The following XYLT1 variants were observed in gnomAD, a reference collection of about 807,000 sequenced individuals.
XYLT1 encodes the protein xylosyltransferase 1, also known as beta-D-xylosyltransferase 1.
Under a neutral mutation model 91.3 loss-of-function variants are expected in XYLT1, and 36 were observed. That is an observed-to-expected ratio of 0.39 (90% CI 0.30 to 0.52). The LOEUF (loss-of-function observed/expected upper bound fraction) is 0.52. XYLT1 is among the 20% of genes least tolerant of loss of function. The pLI, the probability that XYLT1 is intolerant of heterozygous loss-of-function variation, is 0.68. For synonymous variants in XYLT1, 588 were observed against 532.0 expected (o/e 1.11, Z -1.45); for missense variants, 1,242 against 1,284.5 (o/e 0.97, Z 0.51).
intron 2 of XYLT1, among the ~76,000 whole-genome samples, chr16:17,301,340 G>A (rs1356387022): frequency 6.6e-6 from 1 of 152,076 alleles, no homozygotes; most frequent in Non-Finnish European, 1.5e-5. Context: ...AACTCAGGAG[G>A]CAGTGGTTGC....
chr16:17,400,945 GCT>G (rs908084931), intron 1 of XYLT1, among the ~76,000 whole-genome samples: 12 of 151,050 alleles, frequency 7.9e-5, no homozygotes, highest in African/African-American at 2.7e-4. Context: ...ACATAATCCA[GCT>G]CTCTCTCCTC....
chr16:17,331,530 G>A (rs1458711690), intron 2 of XYLT1, among the ~76,000 whole-genome samples: 1 of 152,176 alleles, frequency 6.6e-6, no homozygotes, highest in Non-Finnish European at 1.5e-5. Context: ...CACTCTTTCT[G>A]ATTTGGTTGC....
At chr16:17,273,738 G>A (rs2033930215) in intron 2 of XYLT1, among the ~76,000 whole-genome samples, 1 of 151,536 alleles carries the variant, frequency 6.6e-6, no homozygotes, top group African/African-American at 2.4e-5. Flanking sequence ...CACCTACTCG[G>A]GAGGCTGAGG....
At chr16:17,328,844 T>A (rs939971869) in intron 2 of XYLT1, among the ~76,000 whole-genome samples, 4 of 152,188 alleles carry the variant, frequency 2.6e-5, no homozygotes, top group Admixed American at 2.6e-4. Context: ...TGATAGAGTT[T>A]AGAAAAATTC....
intron 10 of XYLT1, among the ~76,000 whole-genome samples, chr16:17,123,857 G>A (rs2030162174): frequency 6.6e-6 from 1 of 152,158 alleles, no homozygotes; most frequent in African/African-American, 2.4e-5. Flanking sequence ...GTGTTTTCCT[G>A]TTGGACTAGT....
At chr16:17,131,067 C>G (rs1478697285) in intron 9 of XYLT1, among the ~76,000 whole-genome samples, 1 of 152,174 alleles carries the variant, frequency 6.6e-6, no homozygotes, top group African/African-American at 2.4e-5. Flanking sequence ...GCTTTGAGTT[C>G]ACAGGCCTGG....
intron 6 of XYLT1, among the ~76,000 whole-genome samples, chr16:17,141,842 T>C (rs2030985171): frequency 6.6e-6 from 1 of 152,216 alleles, no homozygotes; most frequent in East Asian, 1.9e-4. Context: ...CCACCAAAGT[T>C]CTGATATAAA....
chr16:17,266,207 G>A, intron 2 of XYLT1, among the ~76,000 whole-genome samples: 1 of 152,238 alleles, frequency 6.6e-6, no homozygotes, highest in African/African-American at 2.4e-5. Context: ...TTCTCCATTT[G>A]CTGGGGTTCT....
At chr16:17,127,613 T>G in intron 10 of XYLT1, 53 bp downstream of exon 10, 1 of 1,565,988 alleles carries the variant, frequency 6.4e-7, no homozygotes, top group Non-Finnish European at 8.7e-7. Flanking sequence ...GAGTAGAATC[T>G]GGCCGAGGGA....
Position 17,127,843 on chromosome 16 carries a change from G to T in XYLT1, c.2046C>A (p.His682Gln). Reference protein sequence around the residue: ...ENSCRYYPMGHPASVHLYFLA... With the variant: ...ENSCRYYPMGQPASVHLYFLA... ...GGAAGTAGAGGTGCACAGATGCTGGGTGGCCCATTGGGTAGTATCTGAAAA... is the reference window on the plus strand; with the variant it reads ...GGAAGTAGAGGTGCACAGATGCTGGTTGGCCCATTGGGTAGTATCTGAAAA... The change falls in exon 10 of 12, where the codon CAC becomes CAA. Residue 682 changes from histidine to glutamine, a missense_variant. This residue lies in a region of XYLT1 where 511 missense variants were observed against 497.0 expected (regional missense o/e 1.03). Coordinates refer to ENST00000261381, the MANE Select transcript of XYLT1 (RefSeq NM_022166.4). The T allele has an allele frequency of 6.2e-7, 1 of 1,613,940 alleles. No homozygotes were observed. The highest frequency in any genetic ancestry group is 8.5e-7 in the Non-Finnish European group (1 of 1,179,948).
At chr16:17,360,498 T>C (rs1178599210) in intron 1 of XYLT1, among the ~76,000 whole-genome samples, 1 of 152,204 alleles carries the variant, frequency 6.6e-6, no homozygotes, top group East Asian at 1.9e-4. Flanking sequence ...GCACAAATGC[T>C]ATCTATTTAG....
chr16:17,366,119 C>T (rs2035451840), intron 1 of XYLT1, among the ~76,000 whole-genome samples: 2 of 139,082 alleles, frequency 1.4e-5, no homozygotes, highest in South Asian at 4.4e-4. Context: ...CATTCATTGC[C>T]AATGTTTTAA....
At position 17,448,139 on chromosome 16, in the gene XYLT1, G is replaced by A. The variant is rs531562399; in HGVS notation, c.363+22295C>T. ...TCCCACCACTCTGGGAGGCCAAGGC[G>A]GGTGGATCACTTGAGGTCAGGAGTT... On this transcript the variant is annotated intron_variant, in intron 1 of 11. Coordinates refer to ENST00000261381, the MANE Select transcript of XYLT1 (RefSeq NM_022166.4). 1.0e-3 allele frequency among the ~76,000 whole-genome samples: 155 copies of A among 152,328 alleles called. 2 individuals are homozygous for A. Among genetic ancestry groups the A allele is most frequent in the African/African-American group, 3.5e-3 (145 of 41,576 alleles).
intron 3 of XYLT1, chr16:17,227,158 C>T (rs79921281): frequency 0.027 from 4,042 of 152,342 alleles, 71 homozygotes; most frequent in Admixed American, 0.039. Flanking sequence ...TAACCAACAA[C>T]GTCAGTGCAA....
chr16:17,314,241 C>A (rs74593986), intron 2 of XYLT1, among the ~76,000 whole-genome samples: 3,482 of 152,232 alleles, frequency 0.023, 132 homozygotes, highest in African/African-American at 0.078. Flanking sequence ...TAAGTTAACA[C>A]GTCACTGGCT....
intron 3 of XYLT1, among the ~76,000 whole-genome samples, chr16:17,238,025 C>G (rs1041640259): frequency 6.6e-6 from 1 of 152,206 alleles, no homozygotes; most frequent in Admixed American, 6.5e-5. Context: ...TCGGTGAGGG[C>G]AGTGGTACCT....
At chr16:17,290,666 C>T (rs1030403535) in intron 2 of XYLT1, among the ~76,000 whole-genome samples, 2 of 152,196 alleles carry the variant, frequency 1.3e-5, no homozygotes, top group African/African-American at 4.8e-5. Flanking sequence ...GTGGAATAAT[C>T]ACTACTAACA....
In XYLT1 at chr16:17,106,963, C is replaced by G. The variant is rs141613643; in HGVS notation, c.*1732G>C. 1.3e-5 allele frequency: 2 copies of G among 151,084 alleles called. No individual in the cohort carries two copies. Among genetic ancestry groups the G allele is most frequent in the African/African-American group, 4.9e-5 (2 of 40,966 alleles). The allele number at this position is 151,084 out of a possible 1,614,324, so 9.4% of individuals were successfully genotyped here. A position where few individuals can be genotyped will look rare whatever the true frequency, so the allele number is the denominator to read the frequency against. The stretch of plus-strand genomic sequence containing the variant: ...GGGGTAGACGCAGAGAAAGAGAAAC[C>G]GAGAGAGAGAGAGACACCAGGGGGT... On this transcript the variant is annotated 3_prime_UTR_variant, in exon 12 of 12. Coordinates refer to ENST00000261381, the MANE Select transcript of XYLT1 (RefSeq NM_022166.4).
At chr16:17,214,649 T>G (rs2032822790) in intron 3 of XYLT1, among the ~76,000 whole-genome samples, 1 of 152,092 alleles carries the variant, frequency 6.6e-6, no homozygotes, top group Admixed American at 6.5e-5. Context: ...AAAAATAGAC[T>G]CATGCACACG....
Sources: allele counts gnomAD v4.1 joint callset (sites outside exome capture counted in the v4.1 genomes callset), GRCh38; gene constraint gnomAD v4.1.1; regional missense constraint gnomAD v4.1.1; transcripts MANE v1.5; gene names NCBI Gene and HGNC (gene_info 2026-07-23, HGNC 2026-07-21).